AHI1: variants seen among roughly 807,000 people sequenced by gnomAD.
AHI1 encodes the protein Abelson helper integration site 1, also known as jouberin.
Under a neutral mutation model 149.3 loss-of-function variants are expected in AHI1, and 123 were observed. That is an observed-to-expected ratio of 0.82 (90% CI 0.71 to 0.96). The LOEUF (loss-of-function observed/expected upper bound fraction) is 0.96. AHI1 is among the 40% of genes least tolerant of loss of function. The pLI is 0.00. For missense variants in AHI1, 1,439 were observed against 1,422.7 expected, an observed-to-expected ratio of 1.01 and a Z score of -0.18; for synonymous variants, 475 against 459.8, an observed-to-expected ratio of 1.03 and a Z score of -0.42.
In AHI1 at chr6:135,388,344, A is replaced by G. The variant is rs549116798; in HGVS notation, c.3109+6432T>C. Among the ~76,000 whole-genome samples, 19 of 152,336 alleles carry G rather than the reference A, an allele frequency of 1.2e-4. No individual in the cohort carries two copies. In the South Asian group the frequency reaches 3.7e-3, roughly 30 times the overall value. ...TGAGAAAGTCTTTGAAGCTCATTTT[A>G]CCTTCCTTAAAATGGAAACCCCCTT... On this transcript the variant is annotated intron_variant, in intron 23 of 28. Transcript: ENST00000265602.
chr6:135,413,693 A>T (rs1294006859), intron 20 of AHI1, among the ~76,000 whole-genome samples: 1 of 152,084 alleles, frequency 6.6e-6, no homozygotes, highest in Non-Finnish European at 1.5e-5. Context: ...CACAAAAATC[A>T]TCTATATGTC....
intron 14 of AHI1, among the ~76,000 whole-genome samples, chr6:135,440,713 G>A (rs1786159199): frequency 6.6e-6 from 1 of 152,108 alleles, no homozygotes; most frequent in Non-Finnish European, 1.5e-5. Context: ...CCACAACGGT[G>A]GTCTCTGTCT....
intron 5 of AHI1, among the ~76,000 whole-genome samples, chr6:135,470,293 A>G (rs999867022): frequency 6.6e-6 from 1 of 152,200 alleles, no homozygotes; most frequent in Non-Finnish European, 1.5e-5. Flanking sequence ...CAGAATGGCA[A>G]TTATTAAAAA....
chr6:135,342,390 A>G (rs1293871059), intron 24 of AHI1, among the ~76,000 whole-genome samples: 1 of 151,936 alleles, frequency 6.6e-6, no homozygotes, highest in Non-Finnish European at 1.5e-5. Flanking sequence ...ATAGAAATGA[A>G]CATTTTCTAA....
rs74902149 is a variant in AHI1 at position 135,427,573 on chromosome 6, G to A, written c.2624-266C>T. Reference sequence around the variant, plus strand: ...CAAAATAAAGACAAAGGGCACAGACGGAAGTAGAGAGGTATATGACTCTAA... The same window carrying A: ...CAAAATAAAGACAAAGGGCACAGACAGAAGTAGAGAGGTATATGACTCTAA... On this transcript the variant is annotated intron_variant, in intron 19 of 28. Coordinates refer to ENST00000265602, the MANE Select transcript of AHI1 (RefSeq NM_001134831.2). Among the ~76,000 whole-genome samples the A allele has an allele frequency of 5.0e-3, 754 of 151,714 alleles. 4 individuals are homozygous for A. Among genetic ancestry groups the A allele is most frequent in the African/African-American group, 0.017 (723 of 41,490 alleles).
chr6:135,290,890 C>A (rs1782264078), intron 27 of AHI1, among the ~76,000 whole-genome samples: 1 of 144,946 alleles, frequency 6.9e-6, no homozygotes, highest in Admixed American at 6.8e-5. Flanking sequence ...AAAGTTCTAT[C>A]AACTTAGGTG....
At chr6:135,491,672 T>C (rs1037885464) in intron 4 of AHI1, among the ~76,000 whole-genome samples, 10 of 152,250 alleles carry the variant, frequency 6.6e-5, no homozygotes, top group African/African-American at 1.4e-4. Flanking sequence ...ATAGTGTACA[T>C]AGTCATTATG....
chr6:135,491,473 C>T (rs974829455), intron 4 of AHI1, among the ~76,000 whole-genome samples: 1 of 152,194 alleles, frequency 6.6e-6, no homozygotes, highest in Non-Finnish European at 1.5e-5. Flanking sequence ...TGTTTAAATG[C>T]TGCCTGTAAA....
At chr6:135,311,984 G>A (rs1272544859) in intron 26 of AHI1, among the ~76,000 whole-genome samples, 2 of 152,184 alleles carry the variant, frequency 1.3e-5, no homozygotes, top group Admixed American at 6.5e-5. Flanking sequence ...AATGCTGGAA[G>A]GTACCTGGCA....
rs1219156220 is a variant in AHI1 at position 135,463,037 on chromosome 6, T to C, written c.931+88A>G. 8 of 961,068 alleles carry C rather than the reference T, an allele frequency of 8.3e-6. No individual in the cohort carries two copies. The Admixed American group carries it at 8.7e-5, about 10-fold the overall frequency. 59.5% of individuals were successfully genotyped at this position (961,068 alleles called of 1,614,324 possible). A position where few individuals can be genotyped will look rare whatever the true frequency, so the allele number is the denominator to read the frequency against. On this transcript the variant is annotated intron_variant, in intron 8 of 28. Transcript: ENST00000265602. Reference sequence around the variant, plus strand: ...TCCTATATTGAATTATTTTCAAGTATACCCATCAGTTTTAAAGGGCTAAAA... The same window carrying C: ...TCCTATATTGAATTATTTTCAAGTACACCCATCAGTTTTAAAGGGCTAAAA...
intron 23 of AHI1, among the ~76,000 whole-genome samples, chr6:135,375,005 T>C (rs565387015): frequency 6.6e-6 from 1 of 152,342 alleles, no homozygotes; most frequent in African/African-American, 2.4e-5. Flanking sequence ...GTAAGTGTTC[T>C]GAGCATGTTT....
intron 23 of AHI1, among the ~76,000 whole-genome samples, chr6:135,363,903 C>T (rs1253388497): frequency 1.3e-5 from 2 of 149,774 alleles, no homozygotes; most frequent in African/African-American, 4.9e-5. Context: ...CTGACCCCCC[C>T]CACCTCCCTC....
chr6:135,459,181 AAT>A (rs1352936613), intron 8 of AHI1, among the ~76,000 whole-genome samples: 4 of 152,234 alleles, frequency 2.6e-5, no homozygotes, highest in Admixed American at 1.3e-4. Context: ...AATCATTCAT[AAT>A]ATGTTATCTG....
At chr6:135,387,831 T>G in intron 23 of AHI1, 1 of 1,431,766 alleles carries the variant, frequency 7.0e-7, no homozygotes, top group East Asian at 2.5e-5. Flanking sequence ...TTTCAAAGTA[T>G]TAAATGTATT....
chr6:135,285,870 T>C (rs1421422110), intron 28 of AHI1, among the ~76,000 whole-genome samples: 4 of 152,196 alleles, frequency 2.6e-5, no homozygotes, highest in African/African-American at 9.7e-5. Flanking sequence ...AGCAATTGTT[T>C]AAGGCCTGCT....
At chr6:135,450,006 G>A (rs1355762154) in intron 11 of AHI1, among the ~76,000 whole-genome samples, 1 of 152,142 alleles carries the variant, frequency 6.6e-6, no homozygotes, top group Admixed American at 6.6e-5. Flanking sequence ...GGAGGAATCT[G>A]ACATATCTAT....
intron 23 of AHI1, among the ~76,000 whole-genome samples, chr6:135,365,862 GA>G (rs1774096196): frequency 6.6e-6 from 1 of 152,192 alleles, no homozygotes; most frequent in South Asian, 2.1e-4. Flanking sequence ...CAGAAGTGGT[GA>G]AAGTGGGCAT....
rs946149286 is a variant in AHI1 at position 135,448,409 on chromosome 6, T to C, written c.1507A>G (p.Thr503Ala). Residue 503 changes from threonine (T) to alanine (A), a missense_variant, in exon 12 of 29, where the codon ACT (threonine) becomes GCT (alanine). By Grantham distance (58) the Thr-to-Ala change is moderately conservative (BLOSUM62 0). Transcript: ENST00000265602. ...KLRLQLYYPP[T>A]KPRSPLSVVE... ...ACACTTAATGGGGATCGAGGCTTAG[T>C]AGGTGGGTAATATAGCTGCAAGCGA... 5.0e-6 allele frequency: 8 copies of C among 1,601,008 alleles called. No individual in the cohort carries two copies. In the African/African-American group the frequency reaches 8.0e-5, roughly 16 times the overall value.
At chr6:135,478,155 G>C (rs780025925) in intron 5 of AHI1, among the ~76,000 whole-genome samples, 15 of 152,148 alleles carry the variant, frequency 9.9e-5, no homozygotes, top group Middle Eastern at 3.2e-3. Flanking sequence ...ATTGGTACCA[G>C]AGAAGTGGGG....
Sources: allele counts gnomAD v4.1 joint callset (sites outside exome capture counted in the v4.1 genomes callset), GRCh38; gene constraint gnomAD v4.1.1; transcripts MANE v1.5; gene names NCBI Gene and HGNC (gene_info 2026-07-23, HGNC 2026-07-21).